The following RIMS3 variants were observed in gnomAD, a reference collection of about 807,000 sequenced individuals.
The protein encoded by RIMS3 is regulating synaptic membrane exocytosis 3.
In RIMS3, 15 loss-of-function variants were observed where a neutral mutation model predicts 29.2. The ratio of observed to expected loss-of-function variants is 0.51; its 90% confidence interval spans 0.34 to 0.79. The LOEUF (loss-of-function observed/expected upper bound fraction) is 0.79, where lower values mean the gene tolerates loss of function less well. Ranked by LOEUF, RIMS3 falls within the 30% of genes least tolerant of loss-of-function variation. The probability of loss-of-function intolerance (pLI) is 0.01; values close to 1 mark genes in which losing one functional copy is unlikely to be tolerated. For missense variants in RIMS3, 342 were observed against 421.4 expected (o/e 0.81, Z 1.65); for synonymous variants, 161 against 170.1 (o/e 0.95, Z 0.41).
intron 2 of RIMS3, among the ~76,000 whole-genome samples, chr1:40,647,128 C>T (rs1291308011): frequency 6.6e-6 from 1 of 152,164 alleles, no homozygotes; most frequent in Non-Finnish European, 1.5e-5. Flanking sequence ...ATCTGCCCAC[C>T]TCGGCCTCCC....
Position 40,641,758 on chromosome 1 carries a change from G to A in RIMS3, c.168C>T (p.Ile56=), listed in dbSNP as rs561455990. 1 of 1,613,922 alleles carries A rather than the reference G, an allele frequency of 6.2e-7. No homozygotes were observed. Among genetic ancestry groups the A allele is most frequent in the African/African-American group, 1.3e-5 (1 of 75,038 alleles). ...RSSLGAKMVA[I]VGLTQWSKST... is the part of the protein sequence containing the mutation. ...TCTTGCTCCACTGAGTCAGGCCCAC[G>A]ATGGCCACCATCTTGGCACCCAGGC... Residue 56 remains isoleucine (I), a synonymous_variant, in exon 3 of 8, where the codon ATC becomes ATT. Coordinates refer to ENST00000372684, the MANE Select transcript of RIMS3 (RefSeq NM_014747.3).
chr1:40,661,527 C>T (rs1196058479), intron 1 of RIMS3, among the ~76,000 whole-genome samples: 5 of 152,128 alleles, frequency 3.3e-5, no homozygotes, highest in Admixed American at 6.5e-5. Flanking sequence ...TCCTTCTAGG[C>T]GCAGGGCCCT....
the RIMS3 span, among the ~76,000 whole-genome samples, chr1:40,675,947 A>G: frequency 6.6e-6 from 1 of 152,050 alleles, no homozygotes; most frequent in South Asian, 2.1e-4. Flanking sequence ...GTCATAGACA[A>G]GTAGGTCTTG....
At chr1:40,640,090 A>G (rs1223855294) in intron 3 of RIMS3, among the ~76,000 whole-genome samples, 1 of 152,152 alleles carries the variant, frequency 6.6e-6, no homozygotes, top group Non-Finnish European at 1.5e-5. Context: ...TTTGGGCATG[A>G]AGAAGCCTTT....
chr1:40,660,220 T>A (rs1250353037), intron 1 of RIMS3, among the ~76,000 whole-genome samples: 2 of 151,762 alleles, frequency 1.3e-5, no homozygotes, highest in Admixed American at 1.3e-4. Context: ...CTTGACCAGG[T>A]GGGAGGACGG....
At chr1:40,652,408 T>C (rs988188709) in intron 1 of RIMS3, among the ~76,000 whole-genome samples, 1 of 152,156 alleles carries the variant, frequency 6.6e-6, no homozygotes, top group Non-Finnish European at 1.5e-5. Flanking sequence ...CCCAAGGCAC[T>C]GAGAGGTGAA....
At chr1:40,670,706 A>G in the RIMS3 span, among the ~76,000 whole-genome samples, 1 of 149,532 alleles carries the variant, frequency 6.7e-6, no homozygotes, top group Non-Finnish European at 1.5e-5. Context: ...CTTCTGCCTC[A>G]GCCTCCTGGG....
At chr1:40,663,610 C>T (rs1380467361) in intron 1 of RIMS3, among the ~76,000 whole-genome samples, 1 of 152,228 alleles carries the variant, frequency 6.6e-6, no homozygotes, top group African/African-American at 2.4e-5. Flanking sequence ...AGCTCAGCAC[C>T]TGGGCAGGAA....
At chr1:40,670,574 T>TTATACATATATATATATATATATA (rs1642479981), upstream of RIMS3, among the ~76,000 whole-genome samples, 1 of 71,210 alleles carries the variant, frequency 1.4e-5, no homozygotes, top group Non-Finnish European at 2.4e-5. Context: ...AGTTATAATT[T>TTATACATATATATATATATATATA]TATATATATA....
At chr1:40,663,891 A>G (rs1027679545) in intron 1 of RIMS3, among the ~76,000 whole-genome samples, 2 of 152,138 alleles carry the variant, frequency 1.3e-5, no homozygotes, top group African/African-American at 4.8e-5. Flanking sequence ...AGTGCCAGGC[A>G]CTGTGCTGCG....
At chr1:40,676,659 G>A in the RIMS3 span, among the ~76,000 whole-genome samples, 1 of 152,106 alleles carries the variant, frequency 6.6e-6, no homozygotes, top group Non-Finnish European at 1.5e-5. Flanking sequence ...ACTCCAGGAA[G>A]AATTTGAACA....
chr1:40,689,032 T>C, the RIMS3 span, among the ~76,000 whole-genome samples: 3 of 152,368 alleles, frequency 2.0e-5, no homozygotes, highest in East Asian at 5.8e-4. Flanking sequence ...TGTATTAGTC[T>C]GCTTAGCTAG....
rs1646437594 is a variant in RIMS3 at position 40,624,014 on chromosome 1, C to T, written c.*2503G>A. The T allele has an allele frequency of 6.6e-6, 1 of 152,412 alleles. No homozygotes were observed. Among genetic ancestry groups the T allele is most frequent in the Admixed American group, 6.5e-5 (1 of 15,276 alleles). 9.4% of individuals were successfully genotyped at this position (152,412 alleles called of 1,614,324 possible). A position where few individuals can be genotyped will look rare whatever the true frequency, so the allele number is the denominator to read the frequency against. ...CCCAACTGCTGAGCAGTTTTGGCAG[C>T]CAGGGACTGTAGGTAGGTCAGCCCA... On this transcript the variant is annotated 3_prime_UTR_variant, in exon 8 of 8. Transcript: ENST00000372684.
At position 40,650,863 on chromosome 1, in the gene RIMS3, C is replaced by CAAAAAAAA. The variant is rs58578342; in HGVS notation, c.-206-3029_-206-3022dup. Among the ~76,000 whole-genome samples, 25 of 64,564 alleles carry CAAAAAAAA rather than the reference C, an allele frequency of 3.9e-4. 1 individual carries two copies. The highest frequency in any genetic ancestry group is 1.8e-3 in the African/African-American group (23 of 13,128). 42.4% of individuals were successfully genotyped at this position (64,564 alleles called of 152,430 possible). A position where few individuals can be genotyped will look rare whatever the true frequency, so the allele number is the denominator to read the frequency against. ...CCTGGATGACAGAGCCAGACTCTGT[C>CAAAAAAAA]AAAAAAAAAAAAAAAAAAAAAAAAA... On this transcript the variant is annotated intron_variant, in intron 1 of 7. Coordinates refer to ENST00000372684, the MANE Select transcript of RIMS3 (RefSeq NM_014747.3).
intron 1 of RIMS3, among the ~76,000 whole-genome samples, chr1:40,659,705 G>A (rs1303902322): frequency 2.0e-5 from 3 of 152,312 alleles, no homozygotes; most frequent in African/African-American, 7.2e-5. Context: ...CTGGTTTTTA[G>A]GCTTCCCTGC....
At chr1:40,691,400 G>A in the RIMS3 span, 2 of 212,182 alleles carry the variant, frequency 9.4e-6, no homozygotes, top group South Asian at 4.5e-5. Flanking sequence ...AAACTCAAGG[G>A]CACGCGCACA....
At chr1:40,628,749 C>T in intron 7 of RIMS3, 61 bp downstream of exon 7, 1 of 1,611,034 alleles carries the variant, frequency 6.2e-7, no homozygotes, top group Non-Finnish European at 8.5e-7. Flanking sequence ...AAATGAAAAA[C>T]TTTAAATTAC....
rs751946724 is a variant in RIMS3 at position 40,628,929 on chromosome 1, G to C, written c.595C>G (p.Leu199Val). 1 of 1,613,454 alleles carries C rather than the reference G, an allele frequency of 6.2e-7. No individual in the cohort carries two copies. The highest frequency in any genetic ancestry group is 8.5e-7 in the Non-Finnish European group (1 of 1,180,018). ...GCCAAGCAGGCCCCATTCTCCAGCA[G>C]GTAAACCTTGATATAGGTGGCTAAG... ...SLPATYIKVY[L>V]LENGACLAKK... Residue 199 changes from leucine (L) to valine (V), a missense_variant, in exon 7 of 8, where the codon CTG (leucine) becomes GTG (valine). Physicochemically the swap from Leu to Val is conservative, Grantham distance 32 (BLOSUM62 1). Coordinates refer to ENST00000372684, the MANE Select transcript of RIMS3 (RefSeq NM_014747.3).
the RIMS3 span, chr1:40,681,653 A>G: frequency 6.6e-6 from 1 of 152,220 alleles, no homozygotes; most frequent in Non-Finnish European, 1.5e-5. Flanking sequence ...TCTTATTATT[A>G]TCAAGGCCTT....
Sources: gnomAD v4.1 joint callset for allele counts (sites outside exome capture counted in the v4.1 genomes callset) on GRCh38, gnomAD v4.1.1 for gene constraint, MANE v1.5 for transcripts, NCBI Gene and HGNC (gene_info 2026-07-23, HGNC 2026-07-21) for gene names.